TMPRSS4: variants seen among roughly 807,000 people sequenced by gnomAD.
TMPRSS4 encodes transmembrane protease serine 4.
Under a neutral mutation model 56.4 loss-of-function variants are expected in TMPRSS4, and 45 were observed. The ratio of observed to expected loss-of-function variants is 0.80; its 90% CI spans 0.63 to 1.02. TMPRSS4 has a LOEUF of 1.02. Among genes scored for constraint, TMPRSS4 ranks in the 50% least tolerant of loss-of-function variants. TMPRSS4 has a pLI of 0.00. For missense variants in TMPRSS4, 546 were observed against 556.7 expected, an observed-to-expected ratio of 0.98 and a Z score of 0.19; for synonymous variants, 205 against 211.0, an observed-to-expected ratio of 0.97 and a Z score of 0.25.
intron 1 of TMPRSS4, 139 bp downstream of exon 1, chr11:118,077,444 C>G (rs1050548687): frequency 1.4e-5 from 14 of 1,007,166 alleles, no homozygotes; most frequent in Non-Finnish European, 2.0e-5. Flanking sequence ...CACCCAAATC[C>G]CCTCACACCC....
intron 3 of TMPRSS4, among the ~76,000 whole-genome samples, chr11:118,102,168 C>G (rs1268275504): frequency 2.0e-5 from 3 of 152,060 alleles, no homozygotes; most frequent in Non-Finnish European, 2.9e-5. Context: ...CCCGCCTCCC[C>G]CCGACAGGCC....
chr11:118,118,487 G>A lies in TMPRSS4; in HGVS notation c.*574G>A. Reference sequence around the variant, plus strand: ...CTAGCTGGAATGCTTGATAAGAACTGAGCTGGGATGATTGAACTTTCATTC... The same window carrying A: ...CTAGCTGGAATGCTTGATAAGAACTAAGCTGGGATGATTGAACTTTCATTC... On this transcript the variant is annotated 3_prime_UTR_variant, in exon 13 of 13. Transcript: ENST00000437212. The A allele has an allele frequency of 1.0e-6, 1 of 985,762 alleles. No individual in the cohort carries two copies. The highest frequency in any genetic ancestry group is 1.2e-6 in the Non-Finnish European group (1 of 830,198). The allele number at this position is 985,762 out of a possible 1,614,324, so 61.1% of individuals were successfully genotyped here.
In TMPRSS4 at chr11:118,077,078, A is replaced by G. The variant is rs1212360995; in HGVS notation, c.-225A>G. On this transcript the variant is annotated 5_prime_UTR_variant, in exon 1 of 13. Transcript: ENST00000437212. ...TCAAGCTGCCCAAAGTCCCCCAATC[A>G]CTCCTGGAATACACAGAGAGAGGCA... 2.4e-5 allele frequency: 12 copies of G among 492,100 alleles called. No individual in the cohort carries two copies. The highest frequency in any genetic ancestry group is 4.0e-5 in the Non-Finnish European group (11 of 277,240). The allele number at this position is 492,100 out of a possible 1,614,324, so 30.5% of individuals were successfully genotyped here.
rs1306289455 is a variant in TMPRSS4 at position 118,118,837 on chromosome 11, C to G, written c.*924C>G. The G allele has an allele frequency of 1.0e-6, 1 of 985,270 alleles. No homozygotes were observed. The highest frequency in any genetic ancestry group is 1.7e-5 in the African/African-American group (1 of 57,220). The allele number at this position is 985,270 out of a possible 1,614,324, so 61.0% of individuals were successfully genotyped here. On this transcript the variant is annotated 3_prime_UTR_variant, in exon 13 of 13. Coordinates refer to ENST00000437212, the MANE Select transcript of TMPRSS4 (RefSeq NM_019894.4). ...TGCTGGTCCTGTGTCCTAACTTTTTCCGCCTGGAGAGCCCTCAGTGTGGCT... is the reference window on the plus strand; with the variant it reads ...TGCTGGTCCTGTGTCCTAACTTTTTGCGCCTGGAGAGCCCTCAGTGTGGCT...
chr11:118,077,613 G>T (rs1944758535), intron 1 of TMPRSS4, among the ~76,000 whole-genome samples: 1 of 152,144 alleles, frequency 6.6e-6, no homozygotes, highest in South Asian at 2.1e-4. Context: ...ATGTCTCCAG[G>T]TCTGTTGGTT....
At chr11:118,100,940 T>G (rs924155279) in intron 3 of TMPRSS4, among the ~76,000 whole-genome samples, 2 of 152,160 alleles carry the variant, frequency 1.3e-5, no homozygotes, top group African/African-American at 4.8e-5. Flanking sequence ...TTATGGCTTC[T>G]GGAGTCTCAA....
At chr11:118,094,938 G>A (rs1334136855) in intron 2 of TMPRSS4, 83 bp downstream of exon 2, 62 of 1,448,412 alleles carry the variant, frequency 4.3e-5, no homozygotes, top group Non-Finnish European at 5.8e-5. Context: ...CTCGCGCCTG[G>A]CCCTCACCAC....
chr11:118,124,658 C>G (rs1947855451), downstream of TMPRSS4, among the ~76,000 whole-genome samples: 1 of 152,138 alleles, frequency 6.6e-6, no homozygotes, highest in Non-Finnish European at 1.5e-5. Context: ...AAGCACACTT[C>G]TCTCAATTAT....
chr11:118,107,729 C>A, intron 5 of TMPRSS4, 45 bp from the exon 6 acceptor site: 1 of 1,563,232 alleles, frequency 6.4e-7, no homozygotes, highest in Non-Finnish European at 8.8e-7. Flanking sequence ...TTGTTCTAAC[C>A]CCCTGCCCCA....
chr11:118,079,874 G>C (rs1237541872), intron 1 of TMPRSS4, among the ~76,000 whole-genome samples: 1 of 152,228 alleles, frequency 6.6e-6, no homozygotes, highest in Non-Finnish European at 1.5e-5. Flanking sequence ...CCTAGGCTCT[G>C]AGGTGGTAAA....
chr11:118,099,114 T>C lies in TMPRSS4; in HGVS notation c.157+16T>C. 6.2e-7 allele frequency: 1 copy of C among 1,603,458 alleles called. No individual in the cohort carries two copies. The highest frequency in any genetic ancestry group is 8.5e-7 in the Non-Finnish European group (1 of 1,170,724). ...GTTGTCCTCAGTAAGTGACAGCCCG[T>C]ACCCGACTTTCACCCTCTAAGTAAA... On this transcript the variant is annotated intron_variant, in intron 3 of 12. Transcript: ENST00000437212.
intron 3 of TMPRSS4, among the ~76,000 whole-genome samples, chr11:118,099,457 G>A (rs565877575): frequency 7.5e-4 from 19 of 25,298 alleles, no homozygotes; most frequent in African/African-American, 1.9e-3. Flanking sequence ...GAGAGAAAGA[G>A]AGAAAGAAAG....
chr11:118,102,643 A>G (rs1275194589), intron 3 of TMPRSS4, among the ~76,000 whole-genome samples: 1 of 152,222 alleles, frequency 6.6e-6, no homozygotes, highest in African/African-American at 2.4e-5. Flanking sequence ...TGGGAGGCAG[A>G]GGCTACAGTG....
intron 1 of TMPRSS4, chr11:118,088,327 TATA>T (rs1169108379): frequency 6.6e-6 from 1 of 152,246 alleles, no homozygotes; most frequent in African/African-American, 2.4e-5. Flanking sequence ...TCGTAAATTA[TATA>T]ATAATACTCA....
intron 4 of TMPRSS4, among the ~76,000 whole-genome samples, chr11:118,104,043 C>T (rs1033576020): frequency 1.6e-4 from 24 of 151,270 alleles, no homozygotes; most frequent in African/African-American, 5.4e-4. Context: ...ATAAAATCCA[C>T]GTTCTCTCTT....
chr11:118,101,828 A>T (rs11216750), intron 3 of TMPRSS4, among the ~76,000 whole-genome samples: 43,384 of 151,948 alleles, frequency 0.29, 6,810 homozygotes, highest in Middle Eastern at 0.35. Context: ...CACACTCAAC[A>T]TCTTTCCATC....
chr11:118,095,048 A>C, intron 2 of TMPRSS4, 193 bp downstream of exon 2: 1 of 630,474 alleles, frequency 1.6e-6, no homozygotes, highest in Non-Finnish European at 2.8e-6. Flanking sequence ...GGAGGCCTGG[A>C]CTCTGGGGAA....
chr11:118,077,403 G>C (rs1182091653), intron 1 of TMPRSS4, 98 bp downstream of exon 1: 20 of 1,397,328 alleles, frequency 1.4e-5, no homozygotes, highest in East Asian at 2.7e-5. Context: ...TGAGAATTCT[G>C]TGACACCTTC....
At chr11:118,109,023 G>A in intron 7 of TMPRSS4, 127 bp downstream of exon 7, 1 of 1,072,182 alleles carries the variant, frequency 9.3e-7, no homozygotes, top group African/African-American at 1.6e-5. Context: ...CAGCCCTTGG[G>A]CTTGTCGGTC....
Sources: gnomAD v4.1 joint callset for allele counts (sites outside exome capture counted in the v4.1 genomes callset) on GRCh38, gnomAD v4.1.1 for gene constraint, MANE v1.5 for transcripts, NCBI Gene and HGNC (gene_info 2026-07-23, HGNC 2026-07-21) for gene names.